Variants in SGCZ observed in about 807,000 individuals in gnomAD.
The protein encoded by SGCZ is zeta-sarcoglycan.
In SGCZ, 40 loss-of-function variants were observed where a neutral mutation model predicts 41.3. The observed-to-expected ratio is 0.97, with a 90% CI of 0.75 to 1.26. The LOEUF is 1.26. SGCZ is among the 50% of genes most tolerant of loss of function. SGCZ has a pLI of 0.00. For missense variants in SGCZ, 552 were observed against 369.8 expected (o/e 1.49, Z -4.04); for synonymous variants, 206 against 137.5 (o/e 1.50, Z -3.49).
At chr8:14,966,948 T>A (rs1401306154) in intron 1 of SGCZ, among the ~76,000 whole-genome samples, 1 of 152,132 alleles carries the variant, frequency 6.6e-6, no homozygotes, top group African/African-American at 2.4e-5. Flanking sequence ...AATAAACCAA[T>A]TCTCATTCAC....
At chr8:14,248,738 C>T (rs563547525) in intron 3 of SGCZ, among the ~76,000 whole-genome samples, 2 of 83,742 alleles carry the variant, frequency 2.4e-5, no homozygotes, top group African/African-American at 4.4e-5. Context: ...TACATTTGTA[C>T]TAGTTGAAAA....
At chr8:14,174,299 G>A (rs980462322) in intron 4 of SGCZ, among the ~76,000 whole-genome samples, 3 of 152,054 alleles carry the variant, frequency 2.0e-5, no homozygotes, top group African/African-American at 7.2e-5. Flanking sequence ...TCAGAATAAT[G>A]AGTCCATAAA....
intron 2 of SGCZ, among the ~76,000 whole-genome samples, chr8:14,476,985 A>G (rs540926763): frequency 1.3e-5 from 2 of 152,254 alleles, no homozygotes; most frequent in South Asian, 2.1e-4. Flanking sequence ...TCCACACTAT[A>G]TACCTATTTT....
intron 1 of SGCZ, among the ~76,000 whole-genome samples, chr8:14,583,665 C>G (rs1386270067): frequency 2.0e-5 from 3 of 152,114 alleles, no homozygotes; most frequent in Non-Finnish European, 2.9e-5. Flanking sequence ...TTTAATCCAT[C>G]TTGAATCCAC....
chr8:15,032,982 A>T (rs1283960455), intron 1 of SGCZ, among the ~76,000 whole-genome samples: 1 of 151,556 alleles, frequency 6.6e-6, no homozygotes, highest in East Asian at 2.0e-4. Context: ...CCCAACTCTA[A>T]ATCAGCACCC....
chr8:14,534,009 G>T (rs1803217664), intron 2 of SGCZ, among the ~76,000 whole-genome samples: 2 of 151,832 alleles, frequency 1.3e-5, no homozygotes, highest in African/African-American at 2.4e-5. Flanking sequence ...CCAGGGGTAT[G>T]TGCTCAACAA....
chr8:14,350,605 G>A (rs763341249), intron 2 of SGCZ, among the ~76,000 whole-genome samples: 14 of 151,942 alleles, frequency 9.2e-5, no homozygotes, highest in African/African-American at 1.5e-4. Context: ...TGGCCCTGTC[G>A]CCTCTAGAAA....
intron 3 of SGCZ, among the ~76,000 whole-genome samples, chr8:14,255,195 C>G (rs765306020): frequency 6.6e-6 from 1 of 152,102 alleles, no homozygotes; most frequent in Non-Finnish European, 1.5e-5. Flanking sequence ...TTTTGGTTCA[C>G]CCACTGCCAT....
intron 4 of SGCZ, among the ~76,000 whole-genome samples, chr8:14,187,064 G>C (rs1191667052): frequency 6.6e-6 from 1 of 152,162 alleles, no homozygotes; most frequent in African/African-American, 2.4e-5. Context: ...AGAAGTCAAA[G>C]AGAGCACTGT....
intron 2 of SGCZ, among the ~76,000 whole-genome samples, chr8:14,353,157 C>T (rs922239722): frequency 2.7e-5 from 4 of 149,248 alleles, no homozygotes; most frequent in African/African-American, 1.0e-4. Context: ...TAAGTTTCTT[C>T]ATTTGCAAAA....
chr8:14,899,353 A>C (rs2130756974), intron 1 of SGCZ, among the ~76,000 whole-genome samples: 1 of 152,282 alleles, frequency 6.6e-6, no homozygotes, highest in East Asian at 1.9e-4. Context: ...ACAACTGTTA[A>C]CACATGAAGA....
chr8:14,897,884 C>T (rs930869384), intron 1 of SGCZ, among the ~76,000 whole-genome samples: 2 of 152,146 alleles, frequency 1.3e-5, no homozygotes, highest in African/African-American at 2.4e-5. Flanking sequence ...CACTTGAATA[C>T]TTCCTATGTA....
chr8:14,204,766 C>T (rs539488483), intron 4 of SGCZ, among the ~76,000 whole-genome samples: 1 of 152,212 alleles, frequency 6.6e-6, no homozygotes, highest in South Asian at 2.1e-4. Flanking sequence ...ACCCTTGGAC[C>T]TCAGAACTTC....
At chr8:14,743,739 C>T (rs1357986793) in intron 1 of SGCZ, among the ~76,000 whole-genome samples, 1 of 151,916 alleles carries the variant, frequency 6.6e-6, no homozygotes, top group African/African-American at 2.4e-5. Flanking sequence ...TATTCTTTTT[C>T]CGTCTTGCAA....
chr8:14,557,164 A>G (rs1357318207), intron 1 of SGCZ, among the ~76,000 whole-genome samples: 1 of 151,810 alleles, frequency 6.6e-6, no homozygotes, highest in Non-Finnish European at 1.5e-5. Context: ...TGGTTTTTAT[A>G]TGCATTTCCA....
chr8:15,024,410 G>T (rs950131486), intron 1 of SGCZ, among the ~76,000 whole-genome samples: 1 of 152,086 alleles, frequency 6.6e-6, no homozygotes, highest in Admixed American at 6.6e-5. Context: ...AGTTGTGCCT[G>T]GCATTTACTT....
At chr8:14,240,179 T>C (rs1798819143) in intron 3 of SGCZ, among the ~76,000 whole-genome samples, 1 of 150,968 alleles carries the variant, frequency 6.6e-6, no homozygotes, top group Non-Finnish European at 1.5e-5. Context: ...ATACGAAAAA[T>C]TAGCCAGGCA....
intron 3 of SGCZ, among the ~76,000 whole-genome samples, chr8:14,248,529 G>A (rs1563211325): frequency 6.6e-6 from 1 of 152,022 alleles, no homozygotes; most frequent in African/African-American, 2.4e-5. Context: ...AATTGGTACT[G>A]TAAAAAGAAT....
intron 1 of SGCZ, among the ~76,000 whole-genome samples, chr8:14,811,463 T>C (rs1355248269): frequency 7.0e-6 from 1 of 142,116 alleles, no homozygotes; most frequent in Non-Finnish European, 1.5e-5. Flanking sequence ...CTGGAGATCG[T>C]CAGAGATACT....
Sources: gnomAD v4.1 joint callset for allele counts (sites outside exome capture counted in the v4.1 genomes callset) on GRCh38, gnomAD v4.1.1 for gene constraint, MANE v1.5 for transcripts, NCBI Gene and HGNC (gene_info 2026-07-23, HGNC 2026-07-21) for gene names.